Variants in TSPAN4 observed in about 807,000 individuals in gnomAD.
TSPAN4 encodes tetraspanin-4.
TSPAN4 carries 38 observed loss-of-function variants against 31.5 expected under a neutral mutation model. The ratio of observed to expected loss-of-function variants is 1.21; its 90% confidence interval spans 0.93 to 1.58. The LOEUF is 1.58. TSPAN4 is among the 40% of genes most tolerant of loss of function. TSPAN4 has a pLI of 0.00. For missense variants in TSPAN4, 330 were observed against 317.3 expected, an observed-to-expected ratio of 1.04 and a Z score of -0.30; for synonymous variants, 186 against 144.6, an observed-to-expected ratio of 1.29 and a Z score of -2.06.
At chr11:860,121 T>C (rs1278460572) in intron 3 of TSPAN4, among the ~76,000 whole-genome samples, 2 of 152,130 alleles carry the variant, frequency 1.3e-5, no homozygotes, top group African/African-American at 4.8e-5. Context: ...AGCGTTCTGT[T>C]TTGAACTTTA....
At chr11:847,858 C>G (rs1273569388) in intron 2 of TSPAN4, among the ~76,000 whole-genome samples, 2 of 152,168 alleles carry the variant, frequency 1.3e-5, no homozygotes, top group African/African-American at 2.4e-5. Context: ...CTGCCACTTC[C>G]CCTTCCACCC....
At position 850,187 on chromosome 11, in the gene TSPAN4, C is replaced by A. The variant is rs1239424316; in HGVS notation, c.-17-101C>A. The A allele has an allele frequency of 3.9e-5, 39 of 996,624 alleles. No individual in the cohort carries two copies. In the Middle Eastern group the frequency reaches 1.1e-3, roughly 27 times the overall value. The allele number at this position is 996,624 out of a possible 1,614,324, so 61.7% of individuals were successfully genotyped here. A position where few individuals can be genotyped will look rare whatever the true frequency, so the allele number is the denominator to read the frequency against. On this transcript the variant is annotated intron_variant, in intron 2 of 8. Coordinates refer to ENST00000397397, the MANE Select transcript of TSPAN4 (RefSeq NM_003271.5). ...CCGGGGGCTCCTTCTTCGGCCTGCA[C>A]GCGAACCCCGGCCCCAAGGCGGCCC...
chr11:856,065 G>A (rs1189145432), intron 3 of TSPAN4, among the ~76,000 whole-genome samples: 8 of 152,180 alleles, frequency 5.3e-5, no homozygotes, highest in East Asian at 1.9e-4. Context: ...GGGCCGTCCC[G>A]CAGCACCTGC....
chr11:862,609 C>T lies in TSPAN4; in HGVS notation c.123C>T (p.Phe41=), dbSNP rs140041258. The change falls in exon 4 of 9, where the codon TTC becomes TTT. Residue 41 remains phenylalanine (F), a synonymous_variant. Coordinates refer to ENST00000397397, the MANE Select transcript of TSPAN4 (RefSeq NM_003271.5). ...GIWLAATQGS[F]ATLSSSFPSL... is the part of the protein sequence containing the mutation. ...GGCTGGCCGCCACACAGGGGAGCTT[C>T]GCCACGCTGTCCTCTTCCTTCCCGT... 4.1e-5 allele frequency: 66 copies of T among 1,613,042 alleles called. No homozygotes were observed. In the African/African-American group the frequency reaches 5.2e-4, roughly 13 times the overall value.
At chr11:862,842 G>A (rs1157620983) in intron 4 of TSPAN4, 101 bp downstream of exon 4, 4 of 1,275,066 alleles carry the variant, frequency 3.1e-6, no homozygotes, top group South Asian at 1.6e-5. Context: ...CCAGACGTGG[G>A]CACCACCTCT....
intron 1 of TSPAN4, among the ~76,000 whole-genome samples, chr11:845,555 C>T (rs749757668): frequency 3.9e-5 from 6 of 152,122 alleles, no homozygotes; most frequent in Non-Finnish European, 8.8e-5. Flanking sequence ...CCCCCCCAGA[C>T]TGTTCTATAG....
chr11:854,190 C>A (rs1486716975), intron 3 of TSPAN4, among the ~76,000 whole-genome samples: 1 of 152,218 alleles, frequency 6.6e-6, no homozygotes, highest in Non-Finnish European at 1.5e-5. Context: ...TCCCGCCCTC[C>A]TGGCCTCGGC....
Position 850,295 on chromosome 11 carries a change from G to T in TSPAN4, c.-10G>T. 1 of 1,606,870 alleles carries T rather than the reference G, an allele frequency of 6.2e-7. No individual in the cohort carries two copies. The highest frequency in any genetic ancestry group is 1.1e-5 in the South Asian group (1 of 90,604). On this transcript the variant is annotated 5_prime_UTR_variant, in exon 3 of 9. Coordinates refer to ENST00000397397, the MANE Select transcript of TSPAN4 (RefSeq NM_003271.5). ...CCTTCATCTTCCTCCTAGAACTGAA[G>T]CGCTGCGGCATGGCGCGCGCCTGCC...
intron 1 of TSPAN4, among the ~76,000 whole-genome samples, chr11:845,118 C>G (rs1847237838): frequency 6.6e-6 from 1 of 152,206 alleles, no homozygotes; most frequent in Non-Finnish European, 1.5e-5. Context: ...TGGGCATGAC[C>G]TTGACTGGGA....
intron 3 of TSPAN4, among the ~76,000 whole-genome samples, chr11:853,442 G>A (rs974973770): frequency 6.6e-6 from 1 of 152,148 alleles, no homozygotes; most frequent in Non-Finnish European, 1.5e-5. Flanking sequence ...GGGCCTACCT[G>A]GGAGGGGAAG....
chr11:854,562 G>A (rs1249295181), intron 3 of TSPAN4, among the ~76,000 whole-genome samples: 2 of 152,184 alleles, frequency 1.3e-5, no homozygotes, highest in Non-Finnish European at 2.9e-5. Flanking sequence ...GTGGTCCAGG[G>A]CCCCAGCCTG....
At chr11:859,847 G>C (rs1848352457) in intron 3 of TSPAN4, 1 of 152,242 alleles carries the variant, frequency 6.6e-6, no homozygotes, top group Non-Finnish European at 1.5e-5. Flanking sequence ...ACTGTGCCCA[G>C]GTCTCCTATT....
In TSPAN4 at chr11:864,424, G is replaced by A. The variant is rs763149016; in HGVS notation, c.256-13G>A. ...GCCTTTCGGGTCCCTGTCTGAGCCT[G>A]CCCCCTCCACAGTTCTTCCTGCTGC... On this transcript the variant is annotated splice_polypyrimidine_tract_variant and intron_variant, in intron 4 of 8. Transcript: ENST00000397397. 2.5e-6 allele frequency: 4 copies of A among 1,611,542 alleles called. No individual in the cohort carries two copies. The highest frequency in any genetic ancestry group is 2.2e-5 in the East Asian group (1 of 44,882).
intron 5 of TSPAN4, chr11:865,114 A>C: frequency 1.0e-5 from 2 of 194,848 alleles, no homozygotes; most frequent in East Asian, 1.3e-4. Context: ...TGGCCCAGGA[A>C]TCAGCCCCTT....
rs1188381627 is a variant in TSPAN4, at chr11:865,217, C to T, written c.331-296C>T. On this transcript the variant is annotated intron_variant, in intron 5 of 8. Coordinates refer to ENST00000397397, the MANE Select transcript of TSPAN4 (RefSeq NM_003271.5). Reference sequence around the variant, plus strand: ...CTCATAGCCCCTGGCTTTCAGCTCACAGAGCATGGCTGCACGTGTCCCGAT... The same window carrying T: ...CTCATAGCCCCTGGCTTTCAGCTCATAGAGCATGGCTGCACGTGTCCCGAT... 5 of 399,970 alleles carry T rather than the reference C, an allele frequency of 1.3e-5. No individual in the cohort carries two copies. In the Admixed American group the frequency reaches 1.3e-4, roughly 10 times the overall value. 24.8% of individuals were successfully genotyped at this position (399,970 alleles called of 1,614,324 possible).
At chr11:849,300 C>T (rs954852190) in intron 2 of TSPAN4, among the ~76,000 whole-genome samples, 4 of 152,182 alleles carry the variant, frequency 2.6e-5, no homozygotes, top group Non-Finnish European at 4.4e-5. Context: ...CTCAACGACA[C>T]CTGCTCCATG....
chr11:849,229 G>A (rs1243679177), intron 2 of TSPAN4, among the ~76,000 whole-genome samples: 1 of 151,984 alleles, frequency 6.6e-6, no homozygotes, highest in Non-Finnish European at 1.5e-5. Flanking sequence ...AGGGGGGGTG[G>A]GTATCTCAGG....
At chr11:847,618 C>T (rs533175195) in intron 2 of TSPAN4, among the ~76,000 whole-genome samples, 2 of 151,176 alleles carry the variant, frequency 1.3e-5, no homozygotes, top group Non-Finnish European at 3.0e-5. Context: ...CCCACCCCCC[C>T]CCAACCCCGC....
rs541034792 is a variant in TSPAN4, at chr11:865,986, C to T, written c.633C>T (p.Cys211=). 1.9e-6 allele frequency: 3 copies of T among 1,612,186 alleles called. No individual in the cohort carries two copies. The highest frequency in any genetic ancestry group is 1.3e-5 in the African/African-American group (1 of 75,022). Residue 211 remains cysteine, a synonymous_variant, in exon 8 of 9, where the codon TGC becomes TGT. Transcript: ENST00000397397. ...TGGCTGTGGGCATCTTTGGGCTGTG[C>T]ACGGCGCTGGTGCAGGTATGGCCTG... ...NLLAVGIFGL[C]TALVQILGLT...
Sources: gnomAD v4.1 joint callset for allele counts (sites outside exome capture counted in the v4.1 genomes callset) on GRCh38, gnomAD v4.1.1 for gene constraint, MANE v1.5 for transcripts, NCBI Gene and HGNC (gene_info 2026-07-23, HGNC 2026-07-21) for gene names.